SPAG1: variants seen among roughly 807,000 people sequenced by gnomAD.
SPAG1 encodes sperm-associated antigen 1.
Under a neutral mutation model 100.5 loss-of-function variants are expected in SPAG1, and 69 were observed. That is an observed-to-expected ratio of 0.69 (90% CI 0.57 to 0.84). SPAG1 has a LOEUF of 0.84. Among genes scored for constraint, SPAG1 ranks in the 40% least tolerant of loss-of-function variants. The pLI is 0.00. For synonymous variants in SPAG1, 336 were observed against 411.6 expected (o/e 0.82, Z 2.22); for missense variants, 955 against 1,133.1 (o/e 0.84, Z 2.26).
At chr8:100,163,834 C>T (rs776207867) in intron 2 of SPAG1, among the ~76,000 whole-genome samples, 29 of 151,838 alleles carry the variant, frequency 1.9e-4, no homozygotes, top group Non-Finnish European at 2.9e-4. Flanking sequence ...TGGTCAAGGA[C>T]GGATAAATAA....
chr8:100,206,017 CAAAAAAAAAAA>C (rs574907013), intron 10 of SPAG1, among the ~76,000 whole-genome samples: 15 of 77,348 alleles, frequency 1.9e-4, no homozygotes, highest in African/African-American at 5.5e-4. Flanking sequence ...GACTCTGTCT[CAAAAAAAAAAA>C]AAAAAAAAAA....
At chr8:100,225,488 G>T in intron 14 of SPAG1, 149 bp downstream of exon 14, 1 of 741,446 alleles carries the variant, frequency 1.3e-6, no homozygotes, top group East Asian at 2.9e-5. Context: ...TTATTATTTT[G>T]AGACAGGGTC....
intron 8 of SPAG1, among the ~76,000 whole-genome samples, chr8:100,190,658 T>C (rs1455937493): frequency 1.5e-5 from 2 of 134,896 alleles, no homozygotes; most frequent in African/African-American, 2.8e-5. Flanking sequence ...ATATACTTTT[T>C]TTTTCTTTTT....
At chr8:100,163,118 C>T (rs926146329) in intron 2 of SPAG1, among the ~76,000 whole-genome samples, 6 of 152,100 alleles carry the variant, frequency 3.9e-5, no homozygotes, top group Admixed American at 1.3e-4. Context: ...GGAGGCCTGA[C>T]GGTAATACCA....
intron 3 of SPAG1, among the ~76,000 whole-genome samples, chr8:100,174,423 T>A (rs939570967): frequency 1.3e-5 from 2 of 152,130 alleles, no homozygotes; most frequent in Non-Finnish European, 2.9e-5. Context: ...GAGGTGTTGG[T>A]TTTGCTGTCT....
intron 3 of SPAG1, among the ~76,000 whole-genome samples, chr8:100,176,567 G>A (rs1816128504): frequency 6.6e-6 from 1 of 152,062 alleles, no homozygotes; most frequent in African/African-American, 2.4e-5. Context: ...GTTTCACCAT[G>A]TTGGCCAGGC....
chr8:100,177,899 G>A lies in SPAG1; in HGVS notation c.384G>A (p.Leu128=), dbSNP rs1172408700. 1.2e-6 allele frequency: 2 copies of A among 1,610,510 alleles called. No homozygotes were observed. The highest frequency in any genetic ancestry group is 1.7e-6 in the Non-Finnish European group (2 of 1,176,914). Reference sequence around the variant, plus strand: ...CATTTCCAGCAATGAAAGATAATTTGCCTCCAGTTCGTGGTTCAAACAGCT... The same window carrying A: ...CATTTCCAGCAATGAAAGATAATTTACCTCCAGTTCGTGGTTCAAACAGCT... ...TETFPAMKDN[L]PPVRGSNSCL... Residue 128 remains leucine, a synonymous_variant, in exon 4 of 19, where the codon TTG becomes TTA. Coordinates refer to ENST00000388798, the MANE Select transcript of SPAG1 (RefSeq NM_003114.5).
At chr8:100,208,096 T>G (rs1288174800) in intron 10 of SPAG1, among the ~76,000 whole-genome samples, 3 of 152,224 alleles carry the variant, frequency 2.0e-5, no homozygotes, top group Non-Finnish European at 4.4e-5. Flanking sequence ...TGCTTCCTGT[T>G]CTTGTGACAT....
rs1818211696 is a variant in SPAG1, at chr8:100,220,378, AAC to A, written c.1637_1638del (p.Thr546SerfsTer13). 6.2e-7 allele frequency: 1 copy of A among 1,614,118 alleles called. No homozygotes were observed. The highest frequency in any genetic ancestry group is 1.7e-5 in the Admixed American group (1 of 60,020). On this transcript the variant is annotated frameshift_variant, in exon 13 of 19. Coordinates refer to ENST00000388798, the MANE Select transcript of SPAG1 (RefSeq NM_003114.5). LOFTEE classifies it high-confidence loss of function. ...ATGGGAAAGCTTATGTGGATTATAAAACAGTGTTGCAGATAGACTGTGGACTC... is the reference window on the plus strand; with the variant it reads ...ATGGGAAAGCTTATGTGGATTATAAAAGTGTTGCAGATAGACTGTGGACTC... The part of the protein sequence containing the change: ...QYGKAYVDYK[T>X]VLQIDCGLQL...
At chr8:100,195,106 G>A (rs554512799) in intron 10 of SPAG1, among the ~76,000 whole-genome samples, 2 of 151,644 alleles carry the variant, frequency 1.3e-5, no homozygotes, top group Non-Finnish European at 2.9e-5. Flanking sequence ...CGGAGGTTGT[G>A]GTGAGCCAAG....
chr8:100,228,719 G>T (rs1349094896), intron 14 of SPAG1, among the ~76,000 whole-genome samples: 2 of 151,274 alleles, frequency 1.3e-5, no homozygotes, highest in Non-Finnish European at 1.5e-5. Context: ...TCTCAAAAAA[G>T]AATAATAATA....
chr8:100,197,422 A>G (rs1451127806), intron 10 of SPAG1, among the ~76,000 whole-genome samples: 1 of 152,222 alleles, frequency 6.6e-6, no homozygotes, highest in Non-Finnish European at 1.5e-5. Flanking sequence ...AATGAAATCA[A>G]TTGAACTAGT....
At chr8:100,214,171 C>T (rs966653170) in intron 12 of SPAG1, among the ~76,000 whole-genome samples, 2 of 152,218 alleles carry the variant, frequency 1.3e-5, no homozygotes, top group Non-Finnish European at 2.9e-5. Flanking sequence ...TCCTAGACTA[C>T]TGGAGAAGCC....
intron 17 of SPAG1, among the ~76,000 whole-genome samples, chr8:100,240,147 AC>A (rs1242378598): frequency 2.0e-5 from 3 of 152,206 alleles, no homozygotes; most frequent in African/African-American, 7.2e-5. Context: ...CATTTATACA[AC>A]AATTGTATAA....
chr8:100,203,035 T>G lies in SPAG1; in HGVS notation c.1096+8767T>G, dbSNP rs529886523. On this transcript the variant is annotated intron_variant, in intron 10 of 18. Coordinates refer to ENST00000388798, the MANE Select transcript of SPAG1 (RefSeq NM_003114.5). ...TGATTGGATTGAAGGATACAAAGTA[T>G]TGATCCTGGGTGTGTCTGTGAGGGT... 4.6e-5 allele frequency among the ~76,000 whole-genome samples: 7 copies of G among 152,326 alleles called. 1 individual carries two copies. The highest frequency in any genetic ancestry group is 1.7e-4 in the African/African-American group (7 of 41,566).
chr8:100,201,303 T>G (rs1475856930), intron 10 of SPAG1, among the ~76,000 whole-genome samples: 1 of 151,882 alleles, frequency 6.6e-6, no homozygotes, highest in Non-Finnish European at 1.5e-5. Flanking sequence ...TTTTTATTTT[T>G]TGTAGAGACA....
At chr8:100,217,170 A>G (rs988608786) in intron 12 of SPAG1, among the ~76,000 whole-genome samples, 2 of 151,790 alleles carry the variant, frequency 1.3e-5, no homozygotes, top group Non-Finnish European at 2.9e-5. Context: ...TGAATTCCTG[A>G]CCTCAAGTGA....
intron 9 of SPAG1, 78 bp downstream of exon 9, chr8:100,191,574 G>C: frequency 2.0e-6 from 2 of 989,922 alleles, no homozygotes; most frequent in Non-Finnish European, 3.1e-6. Context: ...TATCAATCTT[G>C]CCAAACAAAT....
chr8:100,197,909 A>G (rs1022344267), intron 10 of SPAG1, among the ~76,000 whole-genome samples: 2 of 152,188 alleles, frequency 1.3e-5, no homozygotes, highest in Admixed American at 6.5e-5. Flanking sequence ...CAGTATTAAC[A>G]AATTGCCTAT....
Sources: allele counts gnomAD v4.1 joint callset (sites outside exome capture counted in the v4.1 genomes callset), GRCh38; gene constraint gnomAD v4.1.1; transcripts MANE v1.5; gene names NCBI Gene and HGNC (gene_info 2026-07-23, HGNC 2026-07-21).